CSMD1: variants seen among roughly 807,000 people sequenced by gnomAD.
CSMD1 encodes the protein CUB and sushi domain-containing protein 1.
In CSMD1, 213 loss-of-function variants were observed where a neutral mutation model predicts 417.5. That is an observed-to-expected ratio of 0.51 (90% CI 0.46 to 0.57). The LOEUF (loss-of-function observed/expected upper bound fraction) is 0.57, where lower values mean the gene tolerates loss of function less well. Ranked by LOEUF, CSMD1 falls within the 20% of genes least tolerant of loss-of-function variation. CSMD1 has a pLI of 0.00. For missense variants in CSMD1, 6,923 were observed against 4,529.7 expected (o/e 1.53, Z -15.17); for synonymous variants, 2,862 against 1,736.8 (o/e 1.65, Z -16.11).
intron 5 of CSMD1, among the ~76,000 whole-genome samples, chr8:3,946,751 G>A (rs1038784854): frequency 6.6e-6 from 1 of 151,928 alleles, no homozygotes; most frequent in South Asian, 2.1e-4. Flanking sequence ...TCTCAGCTAT[G>A]TTTTACAGTT....
chr8:3,375,097 C>A (rs898362060), intron 18 of CSMD1: 1 of 152,168 alleles, frequency 6.6e-6, no homozygotes, highest in Non-Finnish European at 1.5e-5. Context: ...CCAACTGTAA[C>A]TTGAAACCTG....
chr8:3,922,672 T>G (rs1809358510), intron 5 of CSMD1, among the ~76,000 whole-genome samples: 1 of 152,194 alleles, frequency 6.6e-6, no homozygotes, highest in Non-Finnish European at 1.5e-5. Context: ...AATTGTGCTT[T>G]TCATCCAAAT....
chr8:4,360,556 C>A (rs1313373815), intron 3 of CSMD1, among the ~76,000 whole-genome samples: 2 of 152,268 alleles, frequency 1.3e-5, no homozygotes, highest in East Asian at 1.9e-4. Context: ...GTGGCGCGAT[C>A]TCGGCTCACT....
At chr8:3,145,305 G>A (rs2129033016) in intron 40 of CSMD1, among the ~76,000 whole-genome samples, 1 of 152,264 alleles carries the variant, frequency 6.6e-6, no homozygotes, top group Admixed American at 6.5e-5. Flanking sequence ...TTTATGGTAG[G>A]GAAATGGCTG....
At chr8:3,514,703 T>C (rs1438829699) in intron 10 of CSMD1, among the ~76,000 whole-genome samples, 1 of 152,302 alleles carries the variant, frequency 6.6e-6, no homozygotes. Context: ...TTAATATCAT[T>C]TGAAGCTGAA....
At chr8:3,622,451 A>G (rs1039574693) in intron 7 of CSMD1, among the ~76,000 whole-genome samples, 1 of 152,152 alleles carries the variant, frequency 6.6e-6, no homozygotes, top group Admixed American at 6.5e-5. Context: ...CTCCTTTTCT[A>G]TTTTTCTCAC....
intron 7 of CSMD1, among the ~76,000 whole-genome samples, chr8:3,625,905 C>A (rs554576722): frequency 6.6e-6 from 1 of 152,082 alleles, no homozygotes; most frequent in African/African-American, 2.4e-5. Context: ...TGATATATCA[C>A]GGTAGCAGTA....
chr8:4,327,971 C>A (rs1799651981), intron 3 of CSMD1, among the ~76,000 whole-genome samples: 1 of 152,136 alleles, frequency 6.6e-6, no homozygotes, highest in South Asian at 2.1e-4. Context: ...GAATGAAATT[C>A]TTGTTTTAAC....
intron 67 of CSMD1, among the ~76,000 whole-genome samples, chr8:2,949,651 CAT>C (rs1263438493): frequency 2.8e-5 from 4 of 143,916 alleles, no homozygotes; most frequent in Non-Finnish European, 4.6e-5. Context: ...ACAATATATC[CAT>C]ATGTTAACTG....
intron 2 of CSMD1, among the ~76,000 whole-genome samples, chr8:4,507,568 C>T (rs1802592360): frequency 6.6e-6 from 1 of 152,112 alleles, no homozygotes; most frequent in East Asian, 1.9e-4. Context: ...CATGGACATG[C>T]ATGTTATCAT....
At chr8:3,951,114 T>C (rs894663629) in intron 5 of CSMD1, among the ~76,000 whole-genome samples, 10 of 152,218 alleles carry the variant, frequency 6.6e-5, no homozygotes, top group African/African-American at 1.9e-4. Flanking sequence ...TATATCTACA[T>C]TTATAGGCAG....
intron 1 of CSMD1, among the ~76,000 whole-genome samples, chr8:4,884,169 T>G (rs774558796): frequency 1.3e-5 from 2 of 152,018 alleles, no homozygotes; most frequent in Non-Finnish European, 2.9e-5. Context: ...TTTAAAAAAT[T>G]TGGTTGCCTT....
intron 3 of CSMD1, among the ~76,000 whole-genome samples, chr8:4,214,692 T>C (rs1287863373): frequency 2.0e-5 from 3 of 152,174 alleles, no homozygotes; most frequent in South Asian, 4.1e-4. Context: ...GGTGTGTGTG[T>C]AGCTAACGTG....
intron 26 of CSMD1, among the ~76,000 whole-genome samples, chr8:3,267,749 A>T (rs573593284): frequency 6.6e-6 from 1 of 152,160 alleles, no homozygotes; most frequent in Non-Finnish European, 1.5e-5. Context: ...GGCACACTAC[A>T]TGCCTCCCAC....
chr8:4,754,717 T>C (rs567242585), intron 1 of CSMD1, among the ~76,000 whole-genome samples: 1 of 151,986 alleles, frequency 6.6e-6, no homozygotes, highest in South Asian at 2.1e-4. Context: ...AGCATGGTGG[T>C]GGGCGCCTGT....
chr8:3,590,752 C>T lies in CSMD1; in HGVS notation c.1098-4492G>A, dbSNP rs182781095. ...ATGTGGGTAAACGCCATTCCAGCAGCACAGCCGAGGAGGAGACTCCACGTG... is the reference window on the plus strand; with the variant it reads ...ATGTGGGTAAACGCCATTCCAGCAGTACAGCCGAGGAGGAGACTCCACGTG... On this transcript the variant is annotated intron_variant, in intron 8 of 69. Transcript: ENST00000635120. 2.5e-4 allele frequency among the ~76,000 whole-genome samples: 38 copies of T among 152,266 alleles called. 1 individual carries two copies. In the Middle Eastern group the frequency reaches 0.01, roughly 41 times the overall value.
At chr8:3,739,181 C>T (rs1247227900) in intron 6 of CSMD1, among the ~76,000 whole-genome samples, 1 of 152,068 alleles carries the variant, frequency 6.6e-6, no homozygotes, top group African/African-American at 2.4e-5. Context: ...TGATGCATGC[C>T]GGATACTGTA....
intron 3 of CSMD1, among the ~76,000 whole-genome samples, chr8:4,033,838 A>G (rs1387498360): frequency 1.3e-5 from 2 of 152,212 alleles, no homozygotes; most frequent in African/African-American, 2.4e-5. Context: ...ACACTTATAG[A>G]ACATGATTTT....
chr8:2,982,692 C>T (rs1287722051), intron 54 of CSMD1, among the ~76,000 whole-genome samples: 2 of 152,230 alleles, frequency 1.3e-5, no homozygotes, highest in African/African-American at 4.8e-5. Flanking sequence ...GCTCACTAAC[C>T]AGTGTTTCCC....
Sources: gnomAD v4.1 joint callset for allele counts (sites outside exome capture counted in the v4.1 genomes callset) on GRCh38, gnomAD v4.1.1 for gene constraint, MANE v1.5 for transcripts, NCBI Gene and HGNC (gene_info 2026-07-23, HGNC 2026-07-21) for gene names.